Variants in HMGCL observed in about 807,000 individuals in gnomAD.
HMGCL encodes the protein 3-hydroxy-3-methylglutaryl-CoA lyase.
Under a neutral mutation model 37.3 loss-of-function variants are expected in HMGCL, and 26 were observed. The observed-to-expected ratio is 0.70, with a 90% CI of 0.51 to 0.97. The LOEUF (loss-of-function observed/expected upper bound fraction) is 0.97. HMGCL is among the 50% of genes least tolerant of loss of function. The pLI is 0.00. For synonymous variants in HMGCL, 151 were observed against 148.0 expected (o/e 1.02, Z -0.15); for missense variants, 379 against 398.1 (o/e 0.95, Z 0.41).
Position 23,804,386 on chromosome 1 carries a change from G to A in HMGCL, c.876+14C>T. On this transcript the variant is annotated intron_variant, in intron 8 of 8. Coordinates refer to ENST00000374490, the MANE Select transcript of HMGCL (RefSeq NM_000191.3). Reference sequence around the variant, plus strand: ...AGTTCGGGGCTGTCGCCACCAGGGGGTGGGTGGGCTTACCGTGTGAATGCC... The same window carrying A: ...AGTTCGGGGCTGTCGCCACCAGGGGATGGGTGGGCTTACCGTGTGAATGCC... 14 of 1,614,100 alleles carry A rather than the reference G, an allele frequency of 8.7e-6. No homozygotes were observed. Among genetic ancestry groups the A allele is most frequent in the Non-Finnish European group, 1.2e-5 (14 of 1,180,006 alleles).
intron 3 of HMGCL, among the ~76,000 whole-genome samples, chr1:23,817,194 T>C (rs577946709): frequency 2.0e-5 from 3 of 152,278 alleles, no homozygotes; most frequent in East Asian, 3.9e-4. Context: ...CAGACAGGCA[T>C]AGAGGGTTTT....
intron 8 of HMGCL, among the ~76,000 whole-genome samples, chr1:23,803,160 G>A (rs1014274537): frequency 2.0e-5 from 3 of 152,006 alleles, no homozygotes; most frequent in South Asian, 4.1e-4. Flanking sequence ...TCAGCCTCCC[G>A]AGTAGCTGGG....
rs552209530 is a variant in HMGCL, at chr1:23,806,505, C to T, written c.750+1630G>A. On this transcript the variant is annotated intron_variant, in intron 7 of 8. Transcript: ENST00000374490. This position sits in a 1 kb window ranked among gnomAD's most constrained non-coding sequence, Gnocchi z 4.0. ...TCTGCGCCTGCTTTCCTGGGTGGGG[C>T]TCCCTTCCCTCCCCCTCCCTGCTAG... 6.6e-6 allele frequency among the ~76,000 whole-genome samples: 1 copy of T among 152,136 alleles called. No individual in the cohort carries two copies. Among genetic ancestry groups the T allele is most frequent in the Non-Finnish European group, 1.5e-5 (1 of 68,014 alleles).
Position 23,806,990 on chromosome 1 carries a change from AG to A in HMGCL, c.750+1144del, listed in dbSNP as rs1312751717. On this transcript the variant is annotated intron_variant, in intron 7 of 8. Coordinates refer to ENST00000374490, the MANE Select transcript of HMGCL (RefSeq NM_000191.3). The surrounding 1 kb of genome is among the most constrained non-coding windows in gnomAD (Gnocchi z 4.0). ...ATATTTCCGAAGTAACTGATGGAAGAGGGAGGTCAGAGGAAGCTACTGCCAG... is the reference window on the plus strand; with the variant it reads ...ATATTTCCGAAGTAACTGATGGAAGAGGAGGTCAGAGGAAGCTACTGCCAG... The A allele has an allele frequency of 5.8e-6, 3 of 518,834 alleles. No individual in the cohort carries two copies. Among genetic ancestry groups the A allele is most frequent in the Non-Finnish European group, 1.2e-5 (3 of 259,878 alleles). The allele number at this position is 518,834 out of a possible 1,614,324, so 32.1% of individuals were successfully genotyped here.
Position 23,802,260 on chromosome 1 carries a change from C to T in HMGCL, c.*203G>A, listed in dbSNP as rs1638293426. The T allele has an allele frequency of 1.6e-6, 1 of 612,844 alleles. No homozygotes were observed. The highest frequency in any genetic ancestry group is 2.0e-5 in the South Asian group (1 of 51,088). The allele number at this position is 612,844 out of a possible 1,614,324, so 38.0% of individuals were successfully genotyped here. On this transcript the variant is annotated 3_prime_UTR_variant, in exon 9 of 9. Transcript: ENST00000374490. Reference sequence around the variant, plus strand: ...CTTCAGCCCTCAAAGCCTCTCACTCCTCAGGTCTGGGCAGGAGGTCCTTCT... The same window carrying T: ...CTTCAGCCCTCAAAGCCTCTCACTCTTCAGGTCTGGGCAGGAGGTCCTTCT...
At chr1:23,813,227 G>GTTTTTTT (rs58260499) in intron 5 of HMGCL, among the ~76,000 whole-genome samples, 33 of 70,804 alleles carry the variant, frequency 4.7e-4, no homozygotes, top group Admixed American at 8.4e-4. Flanking sequence ...TGGCTGCAAT[G>GTTTTTTT]TTTTTTTTTT....
At chr1:23,805,789 G>A (rs1203065232) in intron 7 of HMGCL, among the ~76,000 whole-genome samples, 2 of 152,066 alleles carry the variant, frequency 1.3e-5, no homozygotes, top group Non-Finnish European at 2.9e-5. Flanking sequence ...GCCTATAGAT[G>A]TCTCGAGCTT....
At position 23,822,959 on chromosome 1, in the gene HMGCL, T is replaced by C. The variant is rs186953745; in HGVS notation, c.61-2366A>G. On this transcript the variant is annotated intron_variant, in intron 1 of 8. Transcript: ENST00000374490. Reference sequence around the variant, plus strand: ...GGGAGGCCGAGGTGGGCAGATCACCTGAGGTCAGAAGTTCGAGACCAGCCT... The same window carrying C: ...GGGAGGCCGAGGTGGGCAGATCACCCGAGGTCAGAAGTTCGAGACCAGCCT... 4.2e-3 allele frequency among the ~76,000 whole-genome samples: 641 copies of C among 152,210 alleles called. 6 individuals carry two copies. Among genetic ancestry groups the C allele is most frequent in the African/African-American group, 0.013 (540 of 41,542 alleles).
At position 23,817,460 on chromosome 1, in the gene HMGCL, G is replaced by A; in HGVS notation, c.252+16C>T. ...CATCCCTAGAGAAAGGCCTTTCATT[G>A]AGGGCTAGGGCTCACCTGGGGAACC... On this transcript the variant is annotated intron_variant, in intron 3 of 8. Coordinates refer to ENST00000374490, the MANE Select transcript of HMGCL (RefSeq NM_000191.3). 1 of 1,462,804 alleles carries A rather than the reference G, an allele frequency of 6.8e-7. No homozygotes were observed. Among genetic ancestry groups the A allele is most frequent in the Non-Finnish European group, 9.6e-7 (1 of 1,041,928 alleles). 90.6% of individuals were successfully genotyped at this position (1,462,804 alleles called of 1,614,324 possible). A position where few individuals can be genotyped will look rare whatever the true frequency, so the allele number is the denominator to read the frequency against.
At chr1:23,804,557 T>C in intron 7 of HMGCL, 32 bp from the exon 8 acceptor site, 1 of 1,613,666 alleles carries the variant, frequency 6.2e-7, no homozygotes, top group Non-Finnish European at 8.5e-7. Context: ...AACACAGTTG[T>C]TGCTGGGGAC....
intron 5 of HMGCL, 107 bp downstream of exon 5, chr1:23,814,083 G>A: frequency 8.4e-7 from 1 of 1,187,958 alleles, no homozygotes; most frequent in South Asian, 1.2e-5. Context: ...AGCTCAGGCT[G>A]CCCCCACCCA....
At chr1:23,805,820 G>A (rs991667671) in intron 7 of HMGCL, among the ~76,000 whole-genome samples, 1 of 152,092 alleles carries the variant, frequency 6.6e-6, no homozygotes, top group Non-Finnish European at 1.5e-5. Flanking sequence ...AACACGAACT[G>A]CTGAGATCCG....
At chr1:23,809,678 AG>A in intron 6 of HMGCL, 1 of 152,298 alleles carries the variant, frequency 6.6e-6, no homozygotes, top group South Asian at 2.1e-4. Flanking sequence ...ATACTGGAAT[AG>A]GGTGGGCCCC....
intron 1 of HMGCL, 60 bp downstream of exon 1, chr1:23,825,296 C>A: frequency 7.1e-7 from 1 of 1,408,742 alleles, no homozygotes; most frequent in Non-Finnish European, 9.8e-7. Flanking sequence ...GGGCCAAGCC[C>A]CCAACCCTGA....
At chr1:23,825,235 G>T in intron 1 of HMGCL, 121 bp downstream of exon 1, 2 of 804,168 alleles carry the variant, frequency 2.5e-6, no homozygotes, top group South Asian at 2.9e-5. Context: ...ACGCCCTCCC[G>T]ACTCTGGCCT....
At chr1:23,820,701 G>A in intron 1 of HMGCL, 108 bp from the exon 2 acceptor site, 2 of 784,896 alleles carry the variant, frequency 2.5e-6, no homozygotes, top group Non-Finnish European at 4.6e-6. Flanking sequence ...GAGACAAGAA[G>A]AAATATTTCT....
intron 6 of HMGCL, 98 bp from the exon 7 acceptor site, chr1:23,808,421 G>A: frequency 1.1e-6 from 1 of 951,178 alleles, no homozygotes; most frequent in South Asian, 1.3e-5. Context: ...GAACACTTCT[G>A]GGTATGACGC....
At chr1:23,803,350 T>C (rs1638328728) in intron 8 of HMGCL, among the ~76,000 whole-genome samples, 1 of 152,184 alleles carries the variant, frequency 6.6e-6, no homozygotes, top group African/African-American at 2.4e-5. Context: ...TACAGGTGCG[T>C]GCCACCACAC....
chr1:23,822,498 C>T lies in HMGCL; in HGVS notation c.61-1905G>A, dbSNP rs16828744. On this transcript the variant is annotated intron_variant, in intron 1 of 8. Coordinates refer to ENST00000374490, the MANE Select transcript of HMGCL (RefSeq NM_000191.3). ...TTTAATCTGGATAAATATACTACAA[C>T]GAGGCAAAGCGGAAGGCACACTGTG... Among the ~76,000 whole-genome samples, 657 of 152,202 alleles carry T rather than the reference C, an allele frequency of 4.3e-3. 7 individuals are homozygous for T. The highest frequency in any genetic ancestry group is 0.015 in the African/African-American group (626 of 41,528).
Sources: allele counts gnomAD v4.1 joint callset (sites outside exome capture counted in the v4.1 genomes callset), GRCh38; gene constraint gnomAD v4.1.1; non-coding constraint Gnocchi (gnomAD v3.1); transcripts MANE v1.5; gene names NCBI Gene and HGNC (gene_info 2026-07-23, HGNC 2026-07-21).